ERC1: variants seen among roughly 807,000 people sequenced by gnomAD.
ERC1 encodes the protein RAB6 interacting protein 2.
In ERC1, 56 loss-of-function variants were observed where a neutral mutation model predicts 132.0. The observed-to-expected ratio is 0.42, with a 90% CI of 0.34 to 0.53. The LOEUF (loss-of-function observed/expected upper bound fraction) is 0.53. Among genes scored for constraint, ERC1 ranks in the 20% least tolerant of loss-of-function variants. The pLI is 0.03. For missense variants in ERC1, 1,202 were observed against 1,349.9 expected (o/e 0.89, Z 1.72); for synonymous variants, 478 against 476.1 (o/e 1.00, Z -0.05).
intron 18 of ERC1, among the ~76,000 whole-genome samples, chr12:1,447,122 A>G (rs2093323375): frequency 6.6e-6 from 1 of 152,206 alleles, no homozygotes; most frequent in South Asian, 2.1e-4. Flanking sequence ...AAATAAATAC[A>G]TACACAACTA....
At position 1,490,525 on chromosome 12, in the gene ERC1, G is replaced by T; in HGVS notation, c.*295G>T. On this transcript the variant is annotated 3_prime_UTR_variant, in exon 19 of 19. Transcript: ENST00000360905. ...CAGTGGAGAACTGTGGGAGCTGGTG[G>T]CTCTGCCCTGACAGAGAGCCATGGA... 2.8e-6 allele frequency: 1 copy of T among 361,288 alleles called. No individual in the cohort carries two copies. Among genetic ancestry groups the T allele is most frequent in the South Asian group, 5.9e-5 (1 of 16,956 alleles). The allele number at this position is 361,288 out of a possible 1,614,324, so 22.4% of individuals were successfully genotyped here.
intron 1 of ERC1, 151 bp from the exon 2 acceptor site, chr12:1,027,597 T>C (rs1170086624): frequency 1.6e-5 from 5 of 308,660 alleles, no homozygotes; most frequent in African/African-American, 8.3e-5. Flanking sequence ...TATTGTTTAC[T>C]ATGAGTACAT....
chr12:1,058,606 G>A (rs1306555392), intron 2 of ERC1, among the ~76,000 whole-genome samples: 3 of 151,980 alleles, frequency 2.0e-5, no homozygotes, highest in Non-Finnish European at 4.4e-5. Context: ...GCTTTGTAGT[G>A]TATTTTGAAG....
At chr12:1,017,959 G>C (rs1031157845) in intron 1 of ERC1, among the ~76,000 whole-genome samples, 1 of 152,152 alleles carries the variant, frequency 6.6e-6, no homozygotes, top group African/African-American at 2.4e-5. Context: ...GCGTGTGATT[G>C]CTCTGTGTGT....
At position 1,490,372 on chromosome 12, in the gene ERC1, G is replaced by C; in HGVS notation, c.*142G>C. On this transcript the variant is annotated 3_prime_UTR_variant, in exon 19 of 19. Coordinates refer to ENST00000360905, the MANE Select transcript of ERC1 (RefSeq NM_178040.4). ...GCTCACTTGAAGAAGTGTGATTCCA[G>C]CACCGTTTCTACATCTGCCATCTTA... 1.3e-6 allele frequency: 1 copy of C among 782,404 alleles called. No individual in the cohort carries two copies. The allele number at this position is 782,404 out of a possible 1,614,324, so 48.5% of individuals were successfully genotyped here.
chr12:1,233,088 A>G (rs1339092624), intron 12 of ERC1, among the ~76,000 whole-genome samples: 2 of 152,168 alleles, frequency 1.3e-5, no homozygotes, highest in African/African-American at 2.4e-5. Context: ...CCATTAGGTG[A>G]AAGGTTGATA....
intron 16 of ERC1, among the ~76,000 whole-genome samples, chr12:1,389,634 A>G (rs2089764018): frequency 6.6e-6 from 1 of 152,188 alleles, no homozygotes; most frequent in Non-Finnish European, 1.5e-5. Context: ...GGCACAATAT[A>G]TCACAGGTGA....
intron 15 of ERC1, among the ~76,000 whole-genome samples, chr12:1,292,866 G>A (rs2079553825): frequency 6.6e-6 from 1 of 152,036 alleles, no homozygotes; most frequent in Non-Finnish European, 1.5e-5. Context: ...TAAAAAATTG[G>A]CTGGACGTGG....
intron 17 of ERC1, among the ~76,000 whole-genome samples, chr12:1,417,435 CT>C (rs748237380): frequency 2.9e-3 from 420 of 144,778 alleles, no homozygotes; most frequent in East Asian, 5.4e-3. Context: ...ACTGCTGCTG[CT>C]TTTTTTTTTT....
chr12:1,001,647 CATATT>C (rs1405623965), intron 1 of ERC1, among the ~76,000 whole-genome samples: 6 of 152,064 alleles, frequency 3.9e-5, no homozygotes, highest in African/African-American at 1.4e-4. Flanking sequence ...TGCATGGAAT[CATATT>C]GTATGTATTC....
At chr12:1,039,453 G>A (rs1053422676) in intron 2 of ERC1, among the ~76,000 whole-genome samples, 6 of 151,702 alleles carry the variant, frequency 4.0e-5, no homozygotes, top group African/African-American at 1.5e-4. Context: ...TAGTTTGACC[G>A]CAGGAGGTGG....
At chr12:1,061,496 G>T (rs1477810599) in intron 2 of ERC1, among the ~76,000 whole-genome samples, 1 of 151,950 alleles carries the variant, frequency 6.6e-6, no homozygotes, top group Non-Finnish European at 1.5e-5. Flanking sequence ...ACAGTTACTT[G>T]GGAGGCTGAG....
At chr12:1,112,125 T>G in intron 5 of ERC1, 90 bp from the exon 6 acceptor site, 2 of 800,076 alleles carry the variant, frequency 2.5e-6, no homozygotes, top group Non-Finnish European at 4.3e-6. Context: ...TAAGTTATTG[T>G]TATTTCTAGT....
At chr12:1,394,936 A>G (rs1316566719) in intron 16 of ERC1, among the ~76,000 whole-genome samples, 1 of 152,184 alleles carries the variant, frequency 6.6e-6, no homozygotes, top group Non-Finnish European at 1.5e-5. Flanking sequence ...GCCATTGTTC[A>G]CTGATTTTTA....
chr12:1,263,183 G>T lies in ERC1; in HGVS notation c.2619+18G>T, dbSNP rs372404697. The T allele has an allele frequency of 2.9e-5, 47 of 1,612,638 alleles. No homozygotes were observed. The highest frequency in any genetic ancestry group is 1.8e-4 in the Admixed American group (11 of 59,968). On this transcript the variant is annotated intron_variant, in intron 14 of 18. Transcript: ENST00000360905. ...AAAAACAGGTCTGCTATTTTATACAGTTCCAAGCAATGCTGCTGGTTAACC... is the reference window on the plus strand; with the variant it reads ...AAAAACAGGTCTGCTATTTTATACATTTCCAAGCAATGCTGCTGGTTAACC...
At chr12:1,341,426 C>G (rs564629647) in intron 15 of ERC1, among the ~76,000 whole-genome samples, 7 of 151,932 alleles carry the variant, frequency 4.6e-5, no homozygotes, top group African/African-American at 1.7e-4. Context: ...TGTCCATCAA[C>G]GATAGACTGG....
intron 12 of ERC1, among the ~76,000 whole-genome samples, chr12:1,208,957 A>ATTTTTTTTTTTTTTTTTTTTTT (rs538961813): frequency 1.4e-5 from 1 of 71,610 alleles, no homozygotes; most frequent in African/African-American, 6.3e-5. Context: ...CGCCCAGCTG[A>ATTTTTTTTTTTTTTTTTTTTTT]TTTTTTTTTT....
At chr12:1,258,848 G>A (rs886404604) in intron 13 of ERC1, among the ~76,000 whole-genome samples, 3 of 152,166 alleles carry the variant, frequency 2.0e-5, no homozygotes. Context: ...GCACAATGAT[G>A]TATAATCCAT....
At chr12:1,341,667 G>A (rs1291481788) in intron 15 of ERC1, among the ~76,000 whole-genome samples, 2 of 151,112 alleles carry the variant, frequency 1.3e-5, no homozygotes, top group Admixed American at 6.6e-5. Context: ...GTCATGGGGT[G>A]GGGGGTTGGG....
Sources: allele counts gnomAD v4.1 joint callset (sites outside exome capture counted in the v4.1 genomes callset), GRCh38; gene constraint gnomAD v4.1.1; transcripts MANE v1.5; gene names NCBI Gene and HGNC (gene_info 2026-07-23, HGNC 2026-07-21).